Variants in LMF1 observed in about 807,000 individuals in gnomAD.
The protein encoded by LMF1 is lipase maturation factor 1, also known as transmembrane protein 112.
In LMF1, 68 loss-of-function variants were observed where a neutral mutation model predicts 60.6. That is an observed-to-expected ratio of 1.12 (90% CI 0.92 to 1.37). The LOEUF is 1.37. Among genes scored for constraint, LMF1 ranks in the 40% most tolerant of loss-of-function variants. The probability of loss-of-function intolerance (pLI) is 0.00; values close to 1 mark genes in which losing one functional copy is unlikely to be tolerated. For synonymous variants in LMF1, 418 were observed against 324.7 expected (o/e 1.29, Z -3.09); for missense variants, 948 against 767.2 (o/e 1.24, Z -2.78).
rs1340229666 is a variant in LMF1 at position 911,078 on chromosome 16, T to A, written c.516A>T (p.Gly172=). The change falls in exon 4 of 11, where the codon GGA becomes GGT. Residue 172 remains glycine, a splice_region_variant and synonymous_variant. Coordinates refer to ENST00000262301, the MANE Select transcript of LMF1 (RefSeq NM_022773.4). Reference sequence around the variant, plus strand: ...CCGTCTCCAGAAGCTGGGACTCCCATCCTAAAACAACGAGACATACCAAAG... The same window carrying A: ...CCGTCTCCAGAAGCTGGGACTCCCAACCTAAAACAACGAGACATACCAAAG... ...VNVGHVWYSF[G]WESQLLETGF... is the part of the protein sequence containing the mutation. 6.2e-7 allele frequency: 1 copy of A among 1,610,716 alleles called. No homozygotes were observed. The highest frequency in any genetic ancestry group is 1.3e-5 in the African/African-American group (1 of 74,792).
chr16:909,902 C>G (rs1251399471), intron 4 of LMF1, among the ~76,000 whole-genome samples: 1 of 152,242 alleles, frequency 6.6e-6, no homozygotes, highest in Admixed American at 6.5e-5. Context: ...GGCGTGAGCG[C>G]GCTGTCGGGT....
chr16:932,523 C>T (rs530030653), intron 3 of LMF1, among the ~76,000 whole-genome samples: 1 of 152,302 alleles, frequency 6.6e-6, no homozygotes, highest in African/African-American at 2.4e-5. Flanking sequence ...GGTGTCAGGA[C>T]CTAAAGCTTT....
chr16:970,378 C>G (rs966487473), intron 1 of LMF1, among the ~76,000 whole-genome samples: 15 of 152,302 alleles, frequency 9.8e-5, no homozygotes, highest in Admixed American at 5.2e-4. Context: ...GGCCGCCCCC[C>G]GCCCCGCAGC....
chr16:865,408 C>T (rs918852475), intron 10 of LMF1, among the ~76,000 whole-genome samples: 2 of 152,090 alleles, frequency 1.3e-5, no homozygotes, highest in Non-Finnish European at 1.5e-5. Context: ...TGGAGGGCAA[C>T]GGTGTGATCT....
At chr16:869,641 T>C (rs1412507470) in intron 9 of LMF1, 2 of 657,008 alleles carry the variant, frequency 3.0e-6, no homozygotes, top group Admixed American at 2.1e-5. Flanking sequence ...CTGGGATTCC[T>C]GGCATGAGAC....
rs1015068909 is a variant in LMF1, at chr16:854,524, G to A, written c.*8C>T. 2 of 1,604,774 alleles carry A rather than the reference G, an allele frequency of 1.2e-6. No individual in the cohort carries two copies. The highest frequency in any genetic ancestry group is 1.7e-6 in the Non-Finnish European group (2 of 1,178,272). On this transcript the variant is annotated 3_prime_UTR_variant, in exon 11 of 11. Transcript: ENST00000262301. Reference sequence around the variant, plus strand: ...GGCTGGGTCTTCGCCTTTATTTCTGGTGCACGTCTAGAGGGGCCCGGGCAG... The same window carrying A: ...GGCTGGGTCTTCGCCTTTATTTCTGATGCACGTCTAGAGGGGCCCGGGCAG...
chr16:880,375 A>T (rs2151715187), intron 5 of LMF1, among the ~76,000 whole-genome samples: 1 of 152,274 alleles, frequency 6.6e-6, no homozygotes, highest in East Asian at 1.9e-4. Context: ...CTGCACCATA[A>T]TTCAAAACTA....
rs751323603 is a variant in LMF1, at chr16:897,216, C to T, written c.664-4144G>A. ...TCCCCAAATCTGCCATCTGGAAACT[C>T]GAAGTGTCTTGACGGTCGTATGCGG... On this transcript the variant is annotated intron_variant, in intron 4 of 10. Coordinates refer to ENST00000262301, the MANE Select transcript of LMF1 (RefSeq NM_022773.4). The surrounding 1 kb of genome is among the most constrained non-coding windows in gnomAD (Gnocchi z 4.3). 9.6e-4 allele frequency among the ~76,000 whole-genome samples: 146 copies of T among 152,316 alleles called. 1 individual carries two copies. Among genetic ancestry groups the T allele is most frequent in the African/African-American group, 2.0e-3 (85 of 41,556 alleles).
intron 2 of LMF1, among the ~76,000 whole-genome samples, chr16:941,980 T>C (rs780187192): frequency 6.6e-6 from 1 of 152,240 alleles, no homozygotes; most frequent in Non-Finnish European, 1.5e-5. Context: ...ACCTTTACCA[T>C]GTCCAGTGGA....
At chr16:943,662 G>T (rs2072165040) in intron 2 of LMF1, among the ~76,000 whole-genome samples, 2 of 147,258 alleles carry the variant, frequency 1.4e-5, no homozygotes, top group African/African-American at 5.1e-5. Context: ...GCGAGGTGGA[G>T]GTTGAAGTGA....
chr16:918,025 G>A (rs1003860241), intron 3 of LMF1, among the ~76,000 whole-genome samples: 4 of 152,264 alleles, frequency 2.6e-5, no homozygotes, highest in Non-Finnish European at 4.4e-5. Flanking sequence ...ACATGGCGTC[G>A]GGACGTGGCG....
chr16:885,984 T>C (rs894708150), intron 5 of LMF1, among the ~76,000 whole-genome samples: 4 of 152,178 alleles, frequency 2.6e-5, no homozygotes, highest in African/African-American at 9.7e-5. Context: ...TTTAAAAGAC[T>C]CAAGGCATAT....
intron 4 of LMF1, among the ~76,000 whole-genome samples, chr16:894,502 C>T (rs558832494): frequency 1.3e-5 from 2 of 152,102 alleles, no homozygotes; most frequent in African/African-American, 4.8e-5. Context: ...ACTGAGTGCC[C>T]TTGAGGTGCC....
intron 6 of LMF1, among the ~76,000 whole-genome samples, chr16:879,241 A>C (rs2070087530): frequency 2.0e-5 from 3 of 152,178 alleles, no homozygotes; most frequent in African/African-American, 7.2e-5. Context: ...GGATCCCAGG[A>C]ATGTGGGGGT....
At chr16:919,641 G>A (rs1406409115) in intron 3 of LMF1, among the ~76,000 whole-genome samples, 1 of 70,478 alleles carries the variant, frequency 1.4e-5, no homozygotes, top group African/African-American at 1.1e-4. Flanking sequence ...TGGGGGCCTC[G>A]GGCAGCAGCA....
chr16:954,587 C>T lies in LMF1; in HGVS notation c.273G>A (p.Leu91=). 1 of 1,613,000 alleles carries T rather than the reference C, an allele frequency of 6.2e-7. No homozygotes were observed. Among genetic ancestry groups the T allele is most frequent in the Non-Finnish European group, 8.5e-7 (1 of 1,179,600 alleles). ...CCTGGAAGTACTGCTGGAAGTTCTT[C>T]AGGAACACTCTGCAGGGAAGCAGCC... The part of the protein sequence containing the change: ...DRGLLPCRVF[L]KNFQQYFQDR... The change falls in exon 2 of 11, where the codon CTG becomes CTA. Residue 91 remains leucine (L), a synonymous_variant. Coordinates refer to ENST00000262301, the MANE Select transcript of LMF1 (RefSeq NM_022773.4).
chr16:886,248 G>A (rs1241818247), intron 5 of LMF1, among the ~76,000 whole-genome samples: 5 of 152,202 alleles, frequency 3.3e-5, no homozygotes, highest in Non-Finnish European at 7.4e-5. Flanking sequence ...ACAGGGCTCA[G>A]ATGCAGGCGC....
chr16:860,763 G>C (rs1182570994), intron 10 of LMF1, among the ~76,000 whole-genome samples: 1 of 150,860 alleles, frequency 6.6e-6, no homozygotes, highest in African/African-American at 2.5e-5. Flanking sequence ...TTGCGCTTTT[G>C]TAAAAAAAAC....
At chr16:893,319 T>C (rs957352576) in intron 4 of LMF1, 11 of 606,400 alleles carry the variant, frequency 1.8e-5, no homozygotes, top group Non-Finnish European at 3.1e-5. Context: ...GTGGCTTCCT[T>C]TGCGCCTTCC....
Sources: gnomAD v4.1 joint callset for allele counts (sites outside exome capture counted in the v4.1 genomes callset) on GRCh38, gnomAD v4.1.1 for gene constraint, Gnocchi (gnomAD v3.1) non-coding constraint, MANE v1.5 for transcripts, NCBI Gene and HGNC (gene_info 2026-07-23, HGNC 2026-07-21) for gene names.